Variants in CFAP299 observed in about 807,000 individuals in gnomAD.
The protein encoded by CFAP299 is cilia- and flagella-associated protein 299.
Under a neutral mutation model 27.0 loss-of-function variants are expected in CFAP299, and 21 were observed. The ratio of observed to expected loss-of-function variants is 0.78; its 90% CI spans 0.55 to 1.12. The LOEUF is 1.12. Among genes scored for constraint, CFAP299 ranks in the 50% most tolerant of loss-of-function variants. The pLI is 0.00. For missense variants in CFAP299, 310 were observed against 276.6 expected, an observed-to-expected ratio of 1.12 and a Z score of -0.86; for synonymous variants, 104 against 98.1, an observed-to-expected ratio of 1.06 and a Z score of -0.36.
At chr4:80,445,664 A>T (rs1025479826) in intron 2 of CFAP299, among the ~76,000 whole-genome samples, 2 of 152,202 alleles carry the variant, frequency 1.3e-5, no homozygotes, top group African/African-American at 4.8e-5. Flanking sequence ...CCAGAACTTA[A>T]AGTATATTAA....
At chr4:80,911,071 T>C (rs1173423974) in intron 4 of CFAP299, among the ~76,000 whole-genome samples, 2 of 152,130 alleles carry the variant, frequency 1.3e-5, no homozygotes, top group Non-Finnish European at 2.9e-5. Context: ...AATAAGTACT[T>C]ATATTTTAAT....
At chr4:80,844,195 A>C (rs112408454) in intron 3 of CFAP299, among the ~76,000 whole-genome samples, 2,343 of 152,216 alleles carry the variant, frequency 0.015, 28 homozygotes, top group African/African-American at 0.03. Context: ...GCTATTGTGA[A>C]TAGTGCCACA....
At chr4:80,482,182 A>G (rs956484691) in intron 2 of CFAP299, among the ~76,000 whole-genome samples, 18 of 151,900 alleles carry the variant, frequency 1.2e-4, no homozygotes, top group African/African-American at 3.9e-4. Flanking sequence ...CCAGAAATGT[A>G]TACTAGATCA....
At chr4:80,366,012 G>T (rs1258985480) in intron 2 of CFAP299, among the ~76,000 whole-genome samples, 1 of 152,182 alleles carries the variant, frequency 6.6e-6, no homozygotes, top group Admixed American at 6.5e-5. Flanking sequence ...ATCTTCTCTG[G>T]TTGCCTTTGT....
chr4:80,669,492 T>C (rs1306381958), intron 3 of CFAP299, among the ~76,000 whole-genome samples: 2 of 152,102 alleles, frequency 1.3e-5, no homozygotes, highest in African/African-American at 4.8e-5. Flanking sequence ...GCTATTGGCA[T>C]ATATAAATGC....
At chr4:80,321,484 C>T in the CFAP299 span, among the ~76,000 whole-genome samples, 1 of 152,148 alleles carries the variant, frequency 6.6e-6, no homozygotes, top group South Asian at 2.1e-4. Context: ...TTTGGCTTCT[C>T]TCCTCTGCTG....
At chr4:80,357,227 G>A (rs913190384) in intron 1 of CFAP299, among the ~76,000 whole-genome samples, 1 of 152,150 alleles carries the variant, frequency 6.6e-6, no homozygotes, top group African/African-American at 2.4e-5. Flanking sequence ...TGTGCTGCTG[G>A]ATTCGGTTTG....
intron 2 of CFAP299, among the ~76,000 whole-genome samples, chr4:80,372,061 T>G (rs1316865403): frequency 6.6e-6 from 1 of 152,196 alleles, no homozygotes; most frequent in Admixed American, 6.5e-5. Context: ...AATTGGCTCA[T>G]GATTCTTCAG....
intron 2 of CFAP299, among the ~76,000 whole-genome samples, chr4:80,459,188 C>G (rs1729318393): frequency 1.3e-5 from 2 of 152,046 alleles, no homozygotes; most frequent in South Asian, 4.1e-4. Context: ...TAGGGTCTCC[C>G]TATGTTGCCC....
intron 2 of CFAP299, among the ~76,000 whole-genome samples, chr4:80,401,432 G>T (rs1395036319): frequency 6.6e-6 from 1 of 152,194 alleles, no homozygotes; most frequent in African/African-American, 2.4e-5. Flanking sequence ...AGCTGCTCCA[G>T]CCATGGCTGA....
At position 80,738,303 on chromosome 4, in the gene CFAP299, G is replaced by T. The variant is rs548450138; in HGVS notation, c.334-131690G>T. 2.6e-5 allele frequency among the ~76,000 whole-genome samples: 4 copies of T among 152,208 alleles called. No individual in the cohort carries two copies. The South Asian group carries it at 8.3e-4, about 32-fold the overall frequency. ...TTCTTTGTTGATTTTCTGTCTAGGA[G>T]ATCTGTCCAATGCTGAAAGTGGGGT... On this transcript the variant is annotated intron_variant, in intron 3 of 5. Coordinates refer to ENST00000358105, the MANE Select transcript of CFAP299 (RefSeq NM_152770.3).
At chr4:80,486,351 A>T (rs2110132897) in intron 2 of CFAP299, among the ~76,000 whole-genome samples, 1 of 152,274 alleles carries the variant, frequency 6.6e-6, no homozygotes, top group Admixed American at 6.5e-5. Context: ...TGCTTCTGAG[A>T]TGCAGATTCC....
chr4:80,655,328 T>C (rs1227692703), intron 3 of CFAP299, among the ~76,000 whole-genome samples: 2 of 151,986 alleles, frequency 1.3e-5, no homozygotes, highest in African/African-American at 2.4e-5. Context: ...CACTGAAAAA[T>C]ACAAAAATAA....
intron 2 of CFAP299, among the ~76,000 whole-genome samples, chr4:80,582,032 A>G (rs1317691349): frequency 1.3e-5 from 2 of 151,628 alleles, no homozygotes; most frequent in African/African-American, 4.8e-5. Context: ...TTCTCTCTCA[A>G]TTCTTGTGTT....
chr4:80,388,975 A>G (rs1290646592), intron 2 of CFAP299, among the ~76,000 whole-genome samples: 1 of 152,078 alleles, frequency 6.6e-6, no homozygotes, highest in African/African-American at 2.4e-5. Flanking sequence ...CCCTGTTTAC[A>G]GTAATATGTG....
rs1367200875 is a variant in CFAP299, at chr4:80,955,022, AAAAAAAAAAAAAC to A, written c.607-8494_607-8482del. 9.5e-4 allele frequency among the ~76,000 whole-genome samples: 102 copies of A among 107,324 alleles called. 11 individuals are homozygous for A. Among genetic ancestry groups the A allele is most frequent in the Middle Eastern group, 4.6e-3 (1 of 216 alleles). 70.4% of individuals were successfully genotyped at this position (107,324 alleles called of 152,430 possible). A position where few individuals can be genotyped will look rare whatever the true frequency, so the allele number is the denominator to read the frequency against. On this transcript the variant is annotated intron_variant, in intron 5 of 5. Coordinates refer to ENST00000358105, the MANE Select transcript of CFAP299 (RefSeq NM_152770.3). ...CAAAAAAAAAAAAAAAAAAAAAAAA[AAAAAAAAAAAAAC>A]GCACACATGGCCATATACAGAGTAG...
intron 3 of CFAP299, among the ~76,000 whole-genome samples, chr4:80,842,120 G>T (rs1730894621): frequency 6.6e-6 from 1 of 151,994 alleles, no homozygotes; most frequent in Non-Finnish European, 1.5e-5. Flanking sequence ...GACTTTGGCT[G>T]GGTCTTCCCC....
intron 2 of CFAP299, among the ~76,000 whole-genome samples, chr4:80,505,835 T>G (rs1732002547): frequency 1.3e-5 from 2 of 152,002 alleles, no homozygotes; most frequent in Admixed American, 6.6e-5. Flanking sequence ...GGTGTGCACC[T>G]GTAGACCCAC....
chr4:80,799,818 TA>T (rs1425224384), intron 3 of CFAP299, among the ~76,000 whole-genome samples: 6 of 35,932 alleles, frequency 1.7e-4, no homozygotes, highest in African/African-American at 6.8e-4. Context: ...TAAATATATA[TA>T]TTATATATAT....
Sources: allele counts gnomAD v4.1 joint callset (sites outside exome capture counted in the v4.1 genomes callset), GRCh38; gene constraint gnomAD v4.1.1; transcripts MANE v1.5; gene names NCBI Gene and HGNC (gene_info 2026-07-23, HGNC 2026-07-21).